The following ADARB1 variants were observed in gnomAD, a reference collection of about 807,000 sequenced individuals.
ADARB1 encodes the protein adenosine deaminase RNA specific B1.
In ADARB1, 10 loss-of-function variants were observed where a neutral mutation model predicts 52.4. That is an observed-to-expected ratio of 0.19 (90% CI 0.12 to 0.32). The LOEUF is 0.32. ADARB1 is among the 10% of genes least tolerant of loss of function. ADARB1 has a pLI of 1.00. For synonymous variants in ADARB1, 349 were observed against 371.1 expected, an observed-to-expected ratio of 0.94 and a Z score of 0.68; for missense variants, 643 against 922.3, an observed-to-expected ratio of 0.70 and a Z score of 3.92.
At chr21:45,135,623 C>G (rs1417052787) in intron 2 of ADARB1, among the ~76,000 whole-genome samples, 1 of 152,310 alleles carries the variant, frequency 6.6e-6, no homozygotes, top group East Asian at 1.9e-4. Flanking sequence ...CTAGAAGAGA[C>G]AGGACCTAAT....
rs1246379414 is a variant in ADARB1, at chr21:45,220,709, C to T, written c.1748-127C>T. 1.1e-5 allele frequency: 11 copies of T among 995,382 alleles called. No homozygotes were observed. Among genetic ancestry groups the T allele is most frequent in the South Asian group, 1.5e-5 (1 of 65,968 alleles). 61.7% of individuals were successfully genotyped at this position (995,382 alleles called of 1,614,324 possible). A position where few individuals can be genotyped will look rare whatever the true frequency, so the allele number is the denominator to read the frequency against. On this transcript the variant is annotated intron_variant, in intron 9 of 10. Coordinates refer to ENST00000348831, the MANE Select transcript of ADARB1 (RefSeq NM_001112.4). This position sits in a 1 kb window ranked among gnomAD's most constrained non-coding sequence, Gnocchi z 6.3. ...CACGCTCAAGTCTGCGTATATTCCT[C>T]GGCAGGCAGAATTCCCCCACCACGC...
chr21:45,188,898 C>T (rs1326219241), intron 8 of ADARB1, among the ~76,000 whole-genome samples: 1 of 152,128 alleles, frequency 6.6e-6, no homozygotes, highest in East Asian at 1.9e-4. Flanking sequence ...GTTTAATGGA[C>T]TAACAGTTCC....
rs575784384 is a variant in ADARB1, at chr21:45,208,623, T to C, written c.1747+3887T>C. ...TGTGGAAAGTGTGTGTGTGTATGTG[T>C]GCGTGTGTGTGTGTGTGAGTGCATG... On this transcript the variant is annotated intron_variant, in intron 9 of 10. Transcript: ENST00000348831. The surrounding 1 kb of genome is among the most constrained non-coding windows in gnomAD (Gnocchi z 5.6). Among the ~76,000 whole-genome samples the C allele has an allele frequency of 4.6e-5, 7 of 151,958 alleles. No individual in the cohort carries two copies. In the South Asian group the frequency reaches 1.2e-3, roughly 27 times the overall value.
intron 8 of ADARB1, among the ~76,000 whole-genome samples, chr21:45,201,832 A>G (rs549573440): frequency 6.6e-6 from 1 of 152,136 alleles, no homozygotes; most frequent in East Asian, 1.9e-4. Context: ...CAGGTAAGCA[A>G]AAGGCTTGAG....
chr21:45,120,817 G>T (rs529388738), intron 1 of ADARB1: 12 of 152,136 alleles, frequency 7.9e-5, no homozygotes, highest in Admixed American at 7.9e-4. Flanking sequence ...TGAGAACAGC[G>T]TGAGGTTTAT....
intron 1 of ADARB1, among the ~76,000 whole-genome samples, chr21:45,079,161 T>G (rs1360796052): frequency 2.0e-5 from 3 of 152,224 alleles, no homozygotes; most frequent in Non-Finnish European, 4.4e-5. Context: ...CTACTGAATT[T>G]CAGCATTTGT....
chr21:45,076,841 A>G (rs1337679850), intron 1 of ADARB1, among the ~76,000 whole-genome samples: 1 of 152,250 alleles, frequency 6.6e-6, no homozygotes, highest in Non-Finnish European at 1.5e-5. Context: ...GTTATGTGCT[A>G]GGCCTTCCCT....
intron 3 of ADARB1, 66 bp from the exon 4 acceptor site, chr21:45,175,664 A>G (rs1462852067): frequency 2.7e-6 from 4 of 1,508,688 alleles, no homozygotes; most frequent in Non-Finnish European, 1.8e-6. Context: ...AAAGGAATCT[A>G]TAAATTTTGC....
chr21:45,130,195 CT>C (rs2088844377), intron 2 of ADARB1, among the ~76,000 whole-genome samples: 2 of 152,206 alleles, frequency 1.3e-5, no homozygotes, highest in East Asian at 3.8e-4. Context: ...CGATTTGTGA[CT>C]ACCTATTTTT....
intron 8 of ADARB1, among the ~76,000 whole-genome samples, chr21:45,203,405 T>G (rs2092602720): frequency 6.6e-6 from 1 of 152,228 alleles, no homozygotes; most frequent in Non-Finnish European, 1.5e-5. Flanking sequence ...TACCTCAATT[T>G]ATAGTTCTTC....
At chr21:45,154,336 A>G (rs1601633088) in intron 2 of ADARB1, among the ~76,000 whole-genome samples, 1 of 152,296 alleles carries the variant, frequency 6.6e-6, no homozygotes, top group South Asian at 2.1e-4. Flanking sequence ...CGCTGTTGGT[A>G]TTTTGTAATA....
intron 1 of ADARB1, among the ~76,000 whole-genome samples, chr21:45,095,245 C>T (rs1365881831): frequency 6.6e-6 from 1 of 152,258 alleles, no homozygotes; most frequent in East Asian, 1.9e-4. Flanking sequence ...GTGCAGCCTA[C>T]CTGCCCCCAG....
rs2092542083 is a variant in ADARB1, at chr21:45,201,000, A to G, written c.1566-3555A>G. Among the ~76,000 whole-genome samples the G allele has an allele frequency of 6.6e-6, 1 of 152,238 alleles. No homozygotes were observed. The highest frequency in any genetic ancestry group is 1.5e-5 in the Non-Finnish European group (1 of 68,032). ...GGCACAGATGCCTAGACCCGGGTGCACTGAGCCGAGGCCATGCTGTGAGAG... is the reference window on the plus strand; with the variant it reads ...GGCACAGATGCCTAGACCCGGGTGCGCTGAGCCGAGGCCATGCTGTGAGAG... On this transcript the variant is annotated intron_variant, in intron 8 of 10. Transcript: ENST00000348831. The surrounding 1 kb of genome is among the most constrained non-coding windows in gnomAD (Gnocchi z 5.0).
intron 4 of ADARB1, among the ~76,000 whole-genome samples, chr21:45,178,568 C>T (rs2091797811): frequency 6.6e-6 from 1 of 152,270 alleles, no homozygotes; most frequent in South Asian, 2.1e-4. Flanking sequence ...GTCCTTAGGG[C>T]TTTGTTGGTG....
intron 5 of ADARB1, 54 bp downstream of exon 5, chr21:45,180,498 T>G: frequency 7.0e-7 from 1 of 1,432,458 alleles, no homozygotes; most frequent in South Asian, 1.2e-5. Flanking sequence ...CTGACAAATG[T>G]GAAATGTTCT....
chr21:45,135,416 A>G (rs17004742), intron 2 of ADARB1, among the ~76,000 whole-genome samples: 1,678 of 152,328 alleles, frequency 0.011, 37 homozygotes, highest in African/African-American at 0.038. Context: ...TTAAAACCAT[A>G]AACAGGTGGA....
intron 2 of ADARB1, among the ~76,000 whole-genome samples, chr21:45,138,439 G>A (rs1336961501): frequency 1.3e-5 from 2 of 152,214 alleles, no homozygotes; most frequent in Non-Finnish European, 2.9e-5. Context: ...TTAGGGCTCT[G>A]GGTGAGTATC....
intron 1 of ADARB1, among the ~76,000 whole-genome samples, chr21:45,091,504 A>G (rs1317803404): frequency 6.6e-6 from 1 of 152,190 alleles, no homozygotes; most frequent in Non-Finnish European, 1.5e-5. Context: ...ATCAGCTTAC[A>G]GTTTTCTGCT....
chr21:45,198,469 G>A (rs1442873191), intron 8 of ADARB1, among the ~76,000 whole-genome samples: 1 of 78,866 alleles, frequency 1.3e-5, no homozygotes. Flanking sequence ...GCAGAAAATT[G>A]GAATAGAACT....
Sources: allele counts gnomAD v4.1 joint callset (sites outside exome capture counted in the v4.1 genomes callset), GRCh38; gene constraint gnomAD v4.1.1; non-coding constraint Gnocchi (gnomAD v3.1); transcripts MANE v1.5; gene names NCBI Gene and HGNC (gene_info 2026-07-23, HGNC 2026-07-21).